Variants in GATB observed in about 807,000 individuals in gnomAD.
GATB encodes the protein glutamyl-tRNA(Gln) amidotransferase subunit B, mitochondrial.
GATB carries 39 observed loss-of-function variants against 62.3 expected under a neutral mutation model. The ratio of observed to expected loss-of-function variants is 0.63; its 90% CI spans 0.48 to 0.82. The LOEUF (loss-of-function observed/expected upper bound fraction) is 0.82. GATB is among the 40% of genes least tolerant of loss of function. GATB has a pLI of 0.00. For synonymous variants in GATB, 276 were observed against 258.9 expected (o/e 1.07, Z -0.63); for missense variants, 670 against 684.0 (o/e 0.98, Z 0.23).
chr4:151,684,823 C>T (rs1442223567), intron 10 of GATB, among the ~76,000 whole-genome samples: 1 of 152,196 alleles, frequency 6.6e-6, no homozygotes, highest in East Asian at 1.9e-4. Context: ...TAAAACTTTA[C>T]TGCTTATAAA....
chr4:151,679,666 A>G, intron 11 of GATB, 147 bp downstream of exon 11: 1 of 735,022 alleles, frequency 1.4e-6, no homozygotes, highest in Non-Finnish European at 2.4e-6. Context: ...GCTAAATAAA[A>G]TGTTTCTACC....
chr4:151,697,219 T>C (rs541913805), intron 9 of GATB, among the ~76,000 whole-genome samples: 1 of 152,318 alleles, frequency 6.6e-6, no homozygotes, highest in Admixed American at 6.5e-5. Flanking sequence ...AGTAAAGATA[T>C]GGAATCAGCG....
At chr4:151,697,978 T>C (rs1391849616) in intron 9 of GATB, among the ~76,000 whole-genome samples, 1 of 133,292 alleles carries the variant, frequency 7.5e-6, no homozygotes, top group Admixed American at 7.3e-5. Flanking sequence ...TATATATATA[T>C]ATATATATAT....
intron 2 of GATB, among the ~76,000 whole-genome samples, chr4:151,746,400 A>G (rs1372426652): frequency 1.3e-5 from 2 of 152,216 alleles, no homozygotes; most frequent in Admixed American, 6.5e-5. Context: ...TTACAAGTAG[A>G]AAAATTGGAA....
intron 10 of GATB, among the ~76,000 whole-genome samples, chr4:151,682,732 T>C (rs902459431): frequency 6.6e-6 from 1 of 151,770 alleles, no homozygotes; most frequent in East Asian, 1.9e-4. Flanking sequence ...ATCCCCCAGC[T>C]TATCTCAGGC....
intron 11 of GATB, among the ~76,000 whole-genome samples, chr4:151,678,122 C>A (rs1047059650): frequency 5.3e-5 from 8 of 152,126 alleles, no homozygotes; most frequent in Admixed American, 6.5e-5. Flanking sequence ...ACAAAAAAAA[C>A]CCCAAGGCAA....
At chr4:151,675,309 C>T (rs1578891983) in intron 11 of GATB, 1 of 152,190 alleles carries the variant, frequency 6.6e-6, no homozygotes, top group African/African-American at 2.4e-5. Flanking sequence ...TCCTTTCCTC[C>T]CAGAGTTAGA....
chr4:151,748,557 C>T (rs542807521), intron 2 of GATB, among the ~76,000 whole-genome samples: 1 of 152,090 alleles, frequency 6.6e-6, no homozygotes, highest in Non-Finnish European at 1.5e-5. Flanking sequence ...ACCATAAAAA[C>T]CCTAGAAGAA....
chr4:151,715,046 T>C (rs1738887716), intron 5 of GATB, among the ~76,000 whole-genome samples: 1 of 152,346 alleles, frequency 6.6e-6, no homozygotes, highest in African/African-American at 2.4e-5. Context: ...AATGTGGCAT[T>C]ACAAATCCAG....
intron 2 of GATB, among the ~76,000 whole-genome samples, chr4:151,754,719 GA>G (rs997925085): frequency 9.6e-5 from 14 of 146,542 alleles, no homozygotes; most frequent in Admixed American, 2.0e-4. Context: ...ACTACAGATG[GA>G]AAAAAAAAAG....
chr4:151,758,635 T>C (rs1291854131), intron 2 of GATB, 137 bp downstream of exon 2: 2 of 664,064 alleles, frequency 3.0e-6, no homozygotes, highest in Non-Finnish European at 4.8e-6. Context: ...ACATTTAATA[T>C]ATCCCGCTTC....
At chr4:151,741,664 G>T (rs974597595) in intron 2 of GATB, among the ~76,000 whole-genome samples, 1 of 152,292 alleles carries the variant, frequency 6.6e-6, no homozygotes, top group East Asian at 1.9e-4. Flanking sequence ...ATTCACCCAG[G>T]GGGAGGCCAG....
At position 151,670,950 on chromosome 4, in the gene GATB, G is replaced by C; in HGVS notation, c.*224C>G. Reference sequence around the variant, plus strand: ...TGCAGCCTCACCGGACCCTCCTGATGTGGATGAAGCAGGCGGGGTGGCTGC... The same window carrying C: ...TGCAGCCTCACCGGACCCTCCTGATCTGGATGAAGCAGGCGGGGTGGCTGC... On this transcript the variant is annotated 3_prime_UTR_variant, in exon 13 of 13. Transcript: ENST00000263985. 1 of 542,644 alleles carries C rather than the reference G, an allele frequency of 1.8e-6. No individual in the cohort carries two copies. Among genetic ancestry groups the C allele is most frequent in the Non-Finnish European group, 3.3e-6 (1 of 304,938 alleles). The allele number at this position is 542,644 out of a possible 1,614,324, so 33.6% of individuals were successfully genotyped here. A position where few individuals can be genotyped will look rare whatever the true frequency, so the allele number is the denominator to read the frequency against.
At chr4:151,724,738 T>C (rs1739102803) in intron 2 of GATB, among the ~76,000 whole-genome samples, 1 of 152,028 alleles carries the variant, frequency 6.6e-6, no homozygotes, top group Non-Finnish European at 1.5e-5. Flanking sequence ...ACTACTACAG[T>C]CTAGGTCTTT....
intron 2 of GATB, among the ~76,000 whole-genome samples, chr4:151,754,586 GAGA>G (rs1416294100): frequency 2.0e-5 from 3 of 152,158 alleles, no homozygotes; most frequent in South Asian, 4.1e-4. Context: ...ACAACCGACA[GAGA>G]AGAAGAATGA....
chr4:151,698,384 G>A (rs973343177), intron 9 of GATB, among the ~76,000 whole-genome samples: 1 of 152,184 alleles, frequency 6.6e-6, no homozygotes, highest in Non-Finnish European at 1.5e-5. Flanking sequence ...TGGGTGAGGT[G>A]TGCATGGGGG....
chr4:151,688,250 C>T (rs546712077), intron 10 of GATB, among the ~76,000 whole-genome samples: 2 of 152,306 alleles, frequency 1.3e-5, no homozygotes, highest in East Asian at 3.9e-4. Context: ...GTTCCCCAGC[C>T]TCTGTTCAAC....
intron 2 of GATB, chr4:151,723,485 A>G (rs1293239664): frequency 2.0e-5 from 3 of 152,228 alleles, no homozygotes; most frequent in African/African-American, 7.2e-5. Context: ...CCAGAGCAGC[A>G]CCTCAACCCA....
intron 2 of GATB, among the ~76,000 whole-genome samples, chr4:151,748,905 A>G (rs1429438254): frequency 6.6e-6 from 1 of 152,258 alleles, no homozygotes. Context: ...GACACATGAA[A>G]AAATGCTCAT....
Sources: allele counts gnomAD v4.1 joint callset (sites outside exome capture counted in the v4.1 genomes callset), GRCh38; gene constraint gnomAD v4.1.1; transcripts MANE v1.5; gene names NCBI Gene and HGNC (gene_info 2026-07-23, HGNC 2026-07-21).